PTPRR: variants seen among roughly 807,000 people sequenced by gnomAD.
PTPRR encodes the protein receptor-type tyrosine-protein phosphatase R.
Under a neutral mutation model 77.2 loss-of-function variants are expected in PTPRR, and 38 were observed. The observed-to-expected ratio is 0.49, with a 90% CI of 0.38 to 0.65. The LOEUF is 0.65. Among genes scored for constraint, PTPRR ranks in the 30% least tolerant of loss-of-function variants. The probability of loss-of-function intolerance (pLI) is 0.00; values close to 1 mark genes in which losing one functional copy is unlikely to be tolerated. For synonymous variants in PTPRR, 299 were observed against 283.1 expected, an observed-to-expected ratio of 1.06 and a Z score of -0.57; for missense variants, 744 against 799.2, an observed-to-expected ratio of 0.93 and a Z score of 0.83.
intron 10 of PTPRR, among the ~76,000 whole-genome samples, chr12:70,669,586 A>T (rs1887141690): frequency 6.6e-6 from 1 of 151,076 alleles, no homozygotes; most frequent in Admixed American, 6.6e-5. Context: ...ACACACACAC[A>T]CAAGCTTGCA....
At chr12:70,764,008 CTTTT>C (rs1249116948) in intron 3 of PTPRR, among the ~76,000 whole-genome samples, 8 of 132,196 alleles carry the variant, frequency 6.1e-5, no homozygotes, top group African/African-American at 1.1e-4. Flanking sequence ...TTTGGGTTTA[CTTTT>C]TTTTTTTTTT....
At chr12:70,692,323 A>G (rs552013911) in intron 8 of PTPRR, among the ~76,000 whole-genome samples, 1 of 152,162 alleles carries the variant, frequency 6.6e-6, no homozygotes, top group South Asian at 2.1e-4. Flanking sequence ...TGAGGTGATG[A>G]AAATATTATC....
chr12:70,656,048 C>CAA (rs578017935), intron 13 of PTPRR, among the ~76,000 whole-genome samples: 2 of 144,966 alleles, frequency 1.4e-5, no homozygotes, highest in African/African-American at 5.1e-5. Context: ...CCTGTCTCTA[C>CAA]AAAAAAAAAA....
intron 1 of PTPRR, among the ~76,000 whole-genome samples, chr12:70,903,534 G>A (rs939585009): frequency 6.6e-6 from 1 of 151,740 alleles, no homozygotes; most frequent in African/African-American, 2.4e-5. Flanking sequence ...ACATCCATAT[G>A]TAACAAAATG....
At chr12:70,672,767 G>T in intron 10 of PTPRR, 2 of 1,557,176 alleles carry the variant, frequency 1.3e-6, no homozygotes, top group Non-Finnish European at 1.7e-6. Context: ...CCAGGTGTTG[G>T]TGTATTCAGG....
intron 10 of PTPRR, among the ~76,000 whole-genome samples, chr12:70,666,413 GT>G (rs75667779): frequency 0.04 from 6,050 of 152,180 alleles, 284 homozygotes; most frequent in East Asian, 0.24. Flanking sequence ...TGATCTCTGT[GT>G]TCCTCAAGTT....
intron 8 of PTPRR, among the ~76,000 whole-genome samples, chr12:70,685,166 A>G (rs1031255659): frequency 4.6e-5 from 7 of 152,092 alleles, no homozygotes; most frequent in Non-Finnish European, 5.9e-5. Context: ...TCTACCAATT[A>G]TTTATATTTT....
intron 2 of PTPRR, among the ~76,000 whole-genome samples, chr12:70,889,680 G>A (rs1893300712): frequency 6.6e-6 from 1 of 151,982 alleles, no homozygotes; most frequent in South Asian, 2.1e-4. Flanking sequence ...CTCACAGAAT[G>A]CTTCCTGCTT....
intron 2 of PTPRR, among the ~76,000 whole-genome samples, chr12:70,807,419 A>G (rs1305045091): frequency 3.3e-5 from 5 of 152,198 alleles, no homozygotes; most frequent in African/African-American, 9.7e-5. Flanking sequence ...ATGTCATACA[A>G]TAGATAGCTT....
chr12:70,865,708 C>A (rs1057066554), intron 2 of PTPRR, among the ~76,000 whole-genome samples: 1 of 152,146 alleles, frequency 6.6e-6, no homozygotes, highest in Admixed American at 6.6e-5. Context: ...AACAAATGTC[C>A]TCTAAGATGT....
Position 70,705,775 on chromosome 12 carries a change from C to T in PTPRR, c.1008-4452G>A, listed in dbSNP as rs529835198. Among the ~76,000 whole-genome samples, 6 of 151,574 alleles carry T rather than the reference C, an allele frequency of 4.0e-5. No individual in the cohort carries two copies. In the East Asian group the frequency reaches 1.2e-3, roughly 29 times the overall value. On this transcript the variant is annotated intron_variant, in intron 6 of 13. Transcript: ENST00000283228. The stretch of plus-strand genomic sequence containing the variant: ...TATATAATTTGTCTGGAGTTGTCTT[C>T]ATTAGTGTACACGTCAAATCTTATG...
At chr12:70,723,257 C>T (rs73132540) in intron 6 of PTPRR, among the ~76,000 whole-genome samples, 2,622 of 152,126 alleles carry the variant, frequency 0.017, 45 homozygotes, top group Non-Finnish European at 0.029. Context: ...AGATAAGAGA[C>T]TTGGAAATTA....
chr12:70,891,310 T>C (rs1170029546), intron 2 of PTPRR, among the ~76,000 whole-genome samples: 1 of 152,132 alleles, frequency 6.6e-6, no homozygotes, highest in Non-Finnish European at 1.5e-5. Context: ...ACAGTGACTT[T>C]AAGAGTTGAT....
chr12:70,672,507 A>G (rs538513444), intron 10 of PTPRR: 1 of 1,227,678 alleles, frequency 8.1e-7, no homozygotes, highest in South Asian at 1.2e-5. Context: ...ATGACTGGCA[A>G]ATGAGACATG....
At chr12:70,755,694 G>A (rs963666718) in intron 4 of PTPRR, among the ~76,000 whole-genome samples, 44 of 152,080 alleles carry the variant, frequency 2.9e-4, no homozygotes, top group African/African-American at 1.0e-3. Flanking sequence ...ATAGATACAA[G>A]AAATGATTTA....
intron 1 of PTPRR, among the ~76,000 whole-genome samples, chr12:70,893,286 C>G (rs887273743): frequency 2.0e-5 from 3 of 151,938 alleles, no homozygotes; most frequent in African/African-American, 7.2e-5. Context: ...AGTTTCAATA[C>G]CTACTTGGGC....
intron 8 of PTPRR, among the ~76,000 whole-genome samples, chr12:70,697,407 GTTGT>G (rs150512634): frequency 0.014 from 2,092 of 152,136 alleles, 43 homozygotes; most frequent in African/African-American, 0.047. Context: ...CATTTTTTGG[GTTGT>G]TTGTGTTTCT....
chr12:70,663,299 T>C (rs1886863736), intron 10 of PTPRR, among the ~76,000 whole-genome samples: 1 of 152,172 alleles, frequency 6.6e-6, no homozygotes, highest in Non-Finnish European at 1.5e-5. Flanking sequence ...AGCATGGTGG[T>C]TAAGGCGCAG....
At chr12:70,667,101 G>A (rs1369044752) in intron 10 of PTPRR, among the ~76,000 whole-genome samples, 3 of 151,510 alleles carry the variant, frequency 2.0e-5, no homozygotes, top group East Asian at 1.9e-4. Flanking sequence ...GACTACAGGC[G>A]CCCGCCACCA....
Sources: gnomAD v4.1 joint callset for allele counts (sites outside exome capture counted in the v4.1 genomes callset) on GRCh38, gnomAD v4.1.1 for gene constraint, MANE v1.5 for transcripts, NCBI Gene and HGNC (gene_info 2026-07-23, HGNC 2026-07-21) for gene names.